DBNL: variants seen among roughly 807,000 people sequenced by gnomAD.
DBNL encodes drebrin like, also known as drebrin-like protein.
DBNL carries 35 observed loss-of-function variants against 62.2 expected under a neutral mutation model. That is an observed-to-expected ratio of 0.56 (90% confidence interval 0.43 to 0.75). DBNL has a LOEUF of 0.75. Among genes scored for constraint, DBNL ranks in the 30% least tolerant of loss-of-function variants. The probability of loss-of-function intolerance (pLI) is 0.00; values close to 1 mark genes in which losing one functional copy is unlikely to be tolerated. For missense variants in DBNL, 495 were observed against 578.4 expected (o/e 0.86, Z 1.48); for synonymous variants, 197 against 218.0 (o/e 0.90, Z 0.85).
Position 44,050,474 on chromosome 7 carries a change from G to A in DBNL, c.139+194G>A, listed in dbSNP as rs537843043. The A allele has an allele frequency of 5.1e-5, 26 of 510,362 alleles. No homozygotes were observed. The South Asian group carries it at 5.2e-4, about 10-fold the overall frequency. 31.6% of individuals were successfully genotyped at this position (510,362 alleles called of 1,614,324 possible). On this transcript the variant is annotated intron_variant, in intron 2 of 12. Transcript: ENST00000448521. ...TCCTTGGTTCTCCTTCCCTCTGGGTGCAGGGGAGTGCTTTCTCTTTGTCTA... is the reference window on the plus strand; with the variant it reads ...TCCTTGGTTCTCCTTCCCTCTGGGTACAGGGGAGTGCTTTCTCTTTGTCTA...
At position 44,060,075 on chromosome 7, in the gene DBNL, C is replaced by A; in HGVS notation, c.1075C>A (p.His359Asn). ...LVQQQGAGSE[H>N]IDHHIQGQGL... is the part of the protein sequence containing the mutation. Reference sequence around the variant, plus strand: ...GCAGCAGCAAGGTGCTGGCTCTGAGCACATTGACCACCACATTCAGGGCCA... The same window carrying A: ...GCAGCAGCAAGGTGCTGGCTCTGAGAACATTGACCACCACATTCAGGGCCA... The change falls in exon 12 of 13, where the codon CAC (histidine) becomes AAC (asparagine). Residue 359 changes from histidine to asparagine, a missense_variant. Transcript: ENST00000448521. This position sits in a 1 kb window ranked among gnomAD's most constrained non-coding sequence, Gnocchi z 6.3. 2 of 1,613,694 alleles carry A rather than the reference C, an allele frequency of 1.2e-6. No individual in the cohort carries two copies. The highest frequency in any genetic ancestry group is 2.2e-5 in the South Asian group (2 of 91,078).
chr7:44,062,967 T>C lies in DBNL; in HGVS notation c.*2051T>C. On this transcript the variant is annotated 3_prime_UTR_variant, in exon 13 of 13. Transcript: ENST00000448521. ...GGAATAGGTGTCCTTAGCCCCTCTG[T>C]CCCCAGCCTGTTTACACAGCAGACA... 1 of 1,611,080 alleles carries C rather than the reference T, an allele frequency of 6.2e-7. No homozygotes were observed. Among genetic ancestry groups the C allele is most frequent in the Non-Finnish European group, 8.5e-7 (1 of 1,177,314 alleles).
chr7:44,065,005 C>T lies in DBNL; in HGVS notation c.*4089C>T, dbSNP rs144310510. On this transcript the variant is annotated 3_prime_UTR_variant, in exon 13 of 13. Coordinates refer to ENST00000448521, the MANE Select transcript of DBNL (RefSeq NM_001014436.3). ...TTCCCCGGGCTTCAGGCCTGCGTAC[C>T]GACGCTCCTGGGGGACACAGGCACG... 1.7e-5 allele frequency: 27 copies of T among 1,606,222 alleles called. No homozygotes were observed. Among genetic ancestry groups the T allele is most frequent in the Middle Eastern group, 1.7e-4 (1 of 6,060 alleles).
Position 44,063,736 on chromosome 7 carries a change from T to C in DBNL, c.*2820T>C, listed in dbSNP as rs890041111. 1 of 153,672 alleles carries C rather than the reference T, an allele frequency of 6.5e-6. No homozygotes were observed. The highest frequency in any genetic ancestry group is 1.4e-5 in the Non-Finnish European group (1 of 69,066). The allele number at this position is 153,672 out of a possible 1,614,324, so 9.5% of individuals were successfully genotyped here. On this transcript the variant is annotated 3_prime_UTR_variant, in exon 13 of 13. Transcript: ENST00000448521. ...GAGCTGGGAATAGCAGCTCGACCTT[T>C]GATGTTCGCGCCACTCCACCCCTGC...
chr7:44,053,898 G>A (rs188795558), intron 4 of DBNL, among the ~76,000 whole-genome samples: 96 of 152,096 alleles, frequency 6.3e-4, no homozygotes, highest in Admixed American at 9.8e-4. Flanking sequence ...GGATGGTCTC[G>A]ATCTCCTGAC....
intron 1 of DBNL, among the ~76,000 whole-genome samples, chr7:44,045,858 C>A: frequency 6.6e-6 from 1 of 152,212 alleles, no homozygotes; most frequent in Middle Eastern, 3.2e-3. Flanking sequence ...ACACCAGTTG[C>A]TTGGTTCTAT....
rs746517644 is a variant in DBNL, at chr7:44,064,916, TCTC to T, written c.*4004_*4006del. The T allele has an allele frequency of 9.9e-6, 16 of 1,609,046 alleles. No homozygotes were observed. Among genetic ancestry groups the T allele is most frequent in the African/African-American group, 6.7e-5 (5 of 74,662 alleles). ...TTGCCGGCCTTGATCTGGGGAACAA[TCTC>T]CTCGTTCCAGAAGGGCAGGGCCCGG... On this transcript the variant is annotated 3_prime_UTR_variant, in exon 13 of 13. Coordinates refer to ENST00000448521, the MANE Select transcript of DBNL (RefSeq NM_001014436.3).
intron 1 of DBNL, among the ~76,000 whole-genome samples, chr7:44,045,702 C>T (rs1238825514): frequency 6.6e-6 from 1 of 152,368 alleles, no homozygotes; most frequent in South Asian, 2.1e-4. Context: ...GGGGCCATCT[C>T]CACTTGTGTA....
At position 44,060,102 on chromosome 7, in the gene DBNL, G is replaced by C; in HGVS notation, c.1102G>C (p.Gly368Arg). 1 of 1,613,698 alleles carries C rather than the reference G, an allele frequency of 6.2e-7. No homozygotes were observed. The highest frequency in any genetic ancestry group is 1.7e-5 in the Admixed American group (1 of 60,008). Residue 368 changes from glycine to arginine, a missense_variant, in exon 12 of 13, where the codon GGG becomes CGG. By Grantham distance (125) the Gly-to-Arg change is moderately radical. Coordinates refer to ENST00000448521, the MANE Select transcript of DBNL (RefSeq NM_001014436.3). This position sits in a 1 kb window ranked among gnomAD's most constrained non-coding sequence, Gnocchi z 6.3. Reference sequence around the variant, plus strand: ...CATTGACCACCACATTCAGGGCCAGGGGCTCAGTGGGCAAGGGCTCTGTGC... The same window carrying C: ...CATTGACCACCACATTCAGGGCCAGCGGCTCAGTGGGCAAGGGCTCTGTGC... ...EHIDHHIQGQ[G>R]LSGQGLCARA...
At position 44,060,909 on chromosome 7, in the gene DBNL, T is replaced by C. The variant is rs1341866395; in HGVS notation, c.1286T>C (p.Ile429Thr). The C allele has an allele frequency of 5.6e-6, 9 of 1,613,964 alleles. No individual in the cohort carries two copies. The highest frequency in any genetic ancestry group is 5.9e-6 in the Non-Finnish European group (7 of 1,179,942). Residue 429 changes from isoleucine (I) to threonine (T), a missense_variant, in exon 13 of 13, where the codon ATT (isoleucine) becomes ACT (threonine). By Grantham distance (89) the Ile-to-Thr change is moderately conservative. Coordinates refer to ENST00000448521, the MANE Select transcript of DBNL (RefSeq NM_001014436.3). The surrounding 1 kb of genome is among the most constrained non-coding windows in gnomAD (Gnocchi z 6.3). ...TTCCCTGCCAACTACGTGGAGCTCATTGAGTGAGGCTGAGGGCACATCTTG... is the reference window on the plus strand; with the variant it reads ...TTCCCTGCCAACTACGTGGAGCTCACTGAGTGAGGCTGAGGGCACATCTTG... ...GMFPANYVEL[I>T]E
rs531210337 is a variant in DBNL, at chr7:44,063,248, G to A, written c.*2332G>A. On this transcript the variant is annotated 3_prime_UTR_variant, in exon 13 of 13. Transcript: ENST00000448521. ...CAGACTGAAGTTGAGGGTCAGGAAG[G>A]GACACTCACCCTTTGTTTTTTTTTT... is the stretch of plus-strand genomic sequence containing the variant. The A allele has an allele frequency of 2.3e-6, 1 of 434,356 alleles. No homozygotes were observed. Among genetic ancestry groups the A allele is most frequent in the African/African-American group, 2.0e-5 (1 of 50,272 alleles). The allele number at this position is 434,356 out of a possible 1,614,324, so 26.9% of individuals were successfully genotyped here.
intron 4 of DBNL, among the ~76,000 whole-genome samples, chr7:44,053,970 C>T (rs1232263082): frequency 6.6e-6 from 1 of 152,114 alleles, no homozygotes; most frequent in Admixed American, 6.5e-5. Context: ...ACCACCACGC[C>T]CAGCCCAGAA....
At chr7:44,057,656 C>T in intron 5 of DBNL, 126 bp from the exon 6 acceptor site, 2 of 973,020 alleles carry the variant, frequency 2.1e-6, no homozygotes, top group Non-Finnish European at 1.6e-6. Context: ...TCTGCTGCCT[C>T]TGCTGGGTCC....
Position 44,061,206 on chromosome 7 carries a change from C to T in DBNL, c.*290C>T, listed in dbSNP as rs1022903534. On this transcript the variant is annotated 3_prime_UTR_variant, in exon 13 of 13. Coordinates refer to ENST00000448521, the MANE Select transcript of DBNL (RefSeq NM_001014436.3). ...TGCCTGTGGCCAAGCCCTGAGTGGCCACTGCCAAGCTGCGGGGAAGGGTCC... is the reference window on the plus strand; with the variant it reads ...TGCCTGTGGCCAAGCCCTGAGTGGCTACTGCCAAGCTGCGGGGAAGGGTCC... The T allele has an allele frequency of 2.3e-6, 1 of 425,722 alleles. No individual in the cohort carries two copies. Among genetic ancestry groups the T allele is most frequent in the African/African-American group, 2.0e-5 (1 of 50,024 alleles). 26.4% of individuals were successfully genotyped at this position (425,722 alleles called of 1,614,324 possible).
At position 44,060,677 on chromosome 7, in the gene DBNL, C is replaced by G; in HGVS notation, c.1154-100C>G. 4.7e-6 allele frequency: 7 copies of G among 1,502,000 alleles called. No individual in the cohort carries two copies. Among genetic ancestry groups the G allele is most frequent in the Non-Finnish European group, 6.3e-6 (7 of 1,112,212 alleles). The allele number at this position is 1,502,000 out of a possible 1,614,324, so 93.0% of individuals were successfully genotyped here. On this transcript the variant is annotated intron_variant, in intron 12 of 12. Transcript: ENST00000448521. The surrounding 1 kb of genome is among the most constrained non-coding windows in gnomAD (Gnocchi z 6.3). ...TTCTGAGGAGGAACCAGAGCTGCAG[C>G]GAGGTGTGCTGCAGCAGTGTGGGGC...
chr7:44,044,897 G>C (rs577568977), intron 1 of DBNL, 77 bp downstream of exon 1: 3 of 1,314,356 alleles, frequency 2.3e-6, no homozygotes, highest in African/African-American at 3.1e-5. Context: ...CGGGGGACTC[G>C]GGGGGAGCGG....
rs370473351 is a variant in DBNL, at chr7:44,051,961, A to G, written c.252+19A>G. On this transcript the variant is annotated intron_variant, in intron 3 of 12. Transcript: ENST00000448521. Reference sequence around the variant, plus strand: ...CAACTGGGTATGTGGAGCCTGTTTCATCTAGGTGTGACCCAGGAAACCCCA... The same window carrying G: ...CAACTGGGTATGTGGAGCCTGTTTCGTCTAGGTGTGACCCAGGAAACCCCA... 1 of 1,609,428 alleles carries G rather than the reference A, an allele frequency of 6.2e-7. No homozygotes were observed. The highest frequency in any genetic ancestry group is 8.5e-7 in the Non-Finnish European group (1 of 1,176,014).
chr7:44,057,596 T>G (rs1426775221), intron 5 of DBNL, among the ~76,000 whole-genome samples, 186 bp from the exon 6 acceptor site: 1 of 152,166 alleles, frequency 6.6e-6, no homozygotes, highest in Non-Finnish European at 1.5e-5. Flanking sequence ...GTCCTGGGCT[T>G]CTTTCAGGTC....
Position 44,062,752 on chromosome 7 carries a change from C to T in DBNL, c.*1836C>T. ...TGTTGGGGGAGGTGCCTTTATTGCC[C>T]AAGCCCACCCCTCACTTGGCCTTGC... is the stretch of plus-strand genomic sequence containing the variant. On this transcript the variant is annotated 3_prime_UTR_variant, in exon 13 of 13. Coordinates refer to ENST00000448521, the MANE Select transcript of DBNL (RefSeq NM_001014436.3). 1 of 1,613,880 alleles carries T rather than the reference C, an allele frequency of 6.2e-7. No individual in the cohort carries two copies. Among genetic ancestry groups the T allele is most frequent in the Non-Finnish European group, 8.5e-7 (1 of 1,179,908 alleles).
Sources: allele counts gnomAD v4.1 joint callset (sites outside exome capture counted in the v4.1 genomes callset), GRCh38; gene constraint gnomAD v4.1.1; non-coding constraint Gnocchi (gnomAD v3.1); transcripts MANE v1.5; gene names NCBI Gene and HGNC (gene_info 2026-07-23, HGNC 2026-07-21).